Variants in BMPR1A observed in about 807,000 individuals in gnomAD.
BMPR1A encodes bone morphogenetic protein receptor type-1A.
BMPR1A carries 7 observed loss-of-function variants against 66.0 expected under a neutral mutation model. That is an observed-to-expected ratio of 0.11 (90% CI 0.06 to 0.20). BMPR1A has a LOEUF of 0.20. Among genes scored for constraint, BMPR1A ranks in the 10% least tolerant of loss-of-function variants. BMPR1A has a pLI of 1.00. For synonymous variants in BMPR1A, 200 were observed against 229.7 expected (o/e 0.87, Z 1.17); for missense variants, 408 against 669.1 (o/e 0.61, Z 4.31).
intron 1 of BMPR1A, among the ~76,000 whole-genome samples, chr10:86,800,731 A>C (rs1473649415): frequency 1.3e-5 from 2 of 152,242 alleles, no homozygotes; most frequent in Non-Finnish European, 2.9e-5. Context: ...AAAGCATGTA[A>C]TTCTTTGCGA....
At chr10:86,820,650 A>G (rs1196169302) in intron 1 of BMPR1A, among the ~76,000 whole-genome samples, 3 of 152,158 alleles carry the variant, frequency 2.0e-5, no homozygotes, top group Non-Finnish European at 4.4e-5. Context: ...TGATACTGCC[A>G]TTACCTCAGA....
At chr10:86,859,789 G>A (rs1309039988) in intron 2 of BMPR1A, among the ~76,000 whole-genome samples, 4 of 151,518 alleles carry the variant, frequency 2.6e-5, no homozygotes, top group African/African-American at 7.3e-5. Context: ...CAGCCTGGGC[G>A]ACAGAGTGAG....
intron 3 of BMPR1A, among the ~76,000 whole-genome samples, 157 bp downstream of exon 3, chr10:86,876,242 T>C (rs553366449): frequency 3.2e-4 from 48 of 152,364 alleles, no homozygotes; most frequent in Non-Finnish European, 5.6e-4. Context: ...CCAAATAATT[T>C]TTTAACTTGG....
intron 3 of BMPR1A, among the ~76,000 whole-genome samples, chr10:86,880,112 A>G (rs888374863): frequency 2.6e-5 from 4 of 152,216 alleles, no homozygotes; most frequent in Non-Finnish European, 5.9e-5. Context: ...CTATGGATTG[A>G]AAACTCACAG....
intron 3 of BMPR1A, among the ~76,000 whole-genome samples, chr10:86,882,749 G>A (rs2133357152): frequency 6.6e-6 from 1 of 150,704 alleles, no homozygotes; most frequent in African/African-American, 2.4e-5. Flanking sequence ...CGGATCACCT[G>A]AGGTCAGGAG....
Position 86,925,900 on chromosome 10 carries a change from T to C in BMPR1A, c.*2181T>C, listed in dbSNP as rs916811929. 5 of 162,432 alleles carry C rather than the reference T, an allele frequency of 3.1e-5. No homozygotes were observed. The highest frequency in any genetic ancestry group is 1.4e-4 in the East Asian group (1 of 7,240). 10.1% of individuals were successfully genotyped at this position (162,432 alleles called of 1,614,324 possible). A position where few individuals can be genotyped will look rare whatever the true frequency, so the allele number is the denominator to read the frequency against. The stretch of plus-strand genomic sequence containing the variant: ...CCGCCACCGCGCCCGGCTAATTTTT[T>C]GTATTTTTAGTAGAGACGGGGTTTC... On this transcript the variant is annotated 3_prime_UTR_variant, in exon 13 of 13. Transcript: ENST00000372037.
At chr10:86,818,159 CA>C (rs1842063064) in intron 1 of BMPR1A, among the ~76,000 whole-genome samples, 1 of 152,164 alleles carries the variant, frequency 6.6e-6, no homozygotes, top group Non-Finnish European at 1.5e-5. Context: ...GCTAGGATTA[CA>C]GGCACCTGCC....
At chr10:86,776,581 C>T (rs1202610091) in intron 1 of BMPR1A, among the ~76,000 whole-genome samples, 5 of 152,056 alleles carry the variant, frequency 3.3e-5, no homozygotes, top group Non-Finnish European at 7.4e-5. Context: ...TTGCAGACCC[C>T]CTTTCCTTGG....
chr10:86,889,822 C>G, intron 3 of BMPR1A: 1 of 516,342 alleles, frequency 1.9e-6, no homozygotes, highest in Admixed American at 3.4e-5. Flanking sequence ...GTTTGTCTTT[C>G]ACTAGTGCAA....
At position 86,859,767 on chromosome 10, in the gene BMPR1A, G is replaced by A. The variant is rs1200109364; in HGVS notation, c.-152-16100G>A. Among the ~76,000 whole-genome samples, 5 of 151,990 alleles carry A rather than the reference G, an allele frequency of 3.3e-5. 1 individual carries two copies. The highest frequency in any genetic ancestry group is 2.6e-4 in the Admixed American group (4 of 15,258). On this transcript the variant is annotated intron_variant, in intron 2 of 12. Coordinates refer to ENST00000372037, the MANE Select transcript of BMPR1A (RefSeq NM_004329.3). Reference sequence around the variant, plus strand: ...GGAGGTTGCAGTGAGCCAAGATTGCGCCACTGCACTCCAGCCTGGGCGACA... The same window carrying A: ...GGAGGTTGCAGTGAGCCAAGATTGCACCACTGCACTCCAGCCTGGGCGACA...
intron 1 of BMPR1A, among the ~76,000 whole-genome samples, 187 bp downstream of exon 1, chr10:86,757,106 G>A (rs1003667770): frequency 6.6e-6 from 1 of 151,304 alleles, no homozygotes. Flanking sequence ...GAGACCCACG[G>A]CACCCCGCGC....
chr10:86,821,021 C>T (rs1185880420), intron 1 of BMPR1A, among the ~76,000 whole-genome samples: 2 of 152,140 alleles, frequency 1.3e-5, no homozygotes, highest in African/African-American at 4.8e-5. Context: ...CATGTCATTT[C>T]CATCGCTCTC....
At chr10:86,780,173 A>T (rs1426772384) in intron 1 of BMPR1A, among the ~76,000 whole-genome samples, 3 of 151,950 alleles carry the variant, frequency 2.0e-5, no homozygotes, top group African/African-American at 7.3e-5. Context: ...TGCTGTTGAG[A>T]TGTTTGAGTT....
intron 1 of BMPR1A, among the ~76,000 whole-genome samples, chr10:86,835,336 C>T (rs1239729871): frequency 1.5e-4 from 22 of 149,340 alleles, no homozygotes; most frequent in Non-Finnish European, 3.0e-4. Context: ...GAGGCTGAGG[C>T]GGGCGGATCA....
chr10:86,817,999 T>A (rs1168924334), intron 1 of BMPR1A, among the ~76,000 whole-genome samples: 1 of 152,208 alleles, frequency 6.6e-6, no homozygotes, highest in Non-Finnish European at 1.5e-5. Flanking sequence ...TTAAGAAGTT[T>A]GCTGAAGTGT....
intron 10 of BMPR1A, among the ~76,000 whole-genome samples, chr10:86,920,724 A>T (rs952346512): frequency 2.0e-5 from 3 of 152,188 alleles, no homozygotes; most frequent in African/African-American, 4.8e-5. Context: ...AAGAAAATGT[A>T]ATCCTATGTC....
At chr10:86,837,769 T>C (rs921007107) in intron 1 of BMPR1A, among the ~76,000 whole-genome samples, 1 of 152,212 alleles carries the variant, frequency 6.6e-6, no homozygotes, top group Non-Finnish European at 1.5e-5. Flanking sequence ...GGCTCCTGAA[T>C]GCAGACAAAG....
intron 2 of BMPR1A, among the ~76,000 whole-genome samples, chr10:86,842,611 G>A (rs733877): frequency 0.082 from 12,457 of 152,132 alleles, 608 homozygotes; most frequent in African/African-American, 0.094. Context: ...ATTTTGGATC[G>A]TAATTTTTTG....
intron 7 of BMPR1A, among the ~76,000 whole-genome samples, chr10:86,909,194 G>A (rs139065147): frequency 5.6e-4 from 85 of 152,244 alleles, no homozygotes; most frequent in African/African-American, 1.8e-3. Flanking sequence ...TTGGGAAGCC[G>A]CAGGGTGTTA....
Sources: allele counts gnomAD v4.1 joint callset (sites outside exome capture counted in the v4.1 genomes callset), GRCh38; gene constraint gnomAD v4.1.1; transcripts MANE v1.5; gene names NCBI Gene and HGNC (gene_info 2026-07-23, HGNC 2026-07-21).